The following C1QTNF12 variants were observed in gnomAD, a reference collection of about 807,000 sequenced individuals.
The protein encoded by C1QTNF12 is C1q and TNF related 12, also known as adipolin.
Under a neutral mutation model 34.3 loss-of-function variants are expected in C1QTNF12, and 39 were observed. That is an observed-to-expected ratio of 1.14 (90% confidence interval 0.88 to 1.49). The LOEUF (loss-of-function observed/expected upper bound fraction) is 1.49. Ranked by LOEUF, C1QTNF12 falls within the 40% of genes most tolerant of loss-of-function variation. The probability of loss-of-function intolerance (pLI) is 0.00; values close to 1 mark genes in which losing one functional copy is unlikely to be tolerated. For missense variants in C1QTNF12, 497 were observed against 424.7 expected (o/e 1.17, Z -1.50); for synonymous variants, 220 against 196.9 (o/e 1.12, Z -0.98).
In C1QTNF12 at chr1:1,246,390, G is replaced by C; in HGVS notation, c.177+124C>G. On this transcript the variant is annotated intron_variant, in intron 1 of 7. Transcript: ENST00000330388. The surrounding 1 kb of genome is among the most constrained non-coding windows in gnomAD (Gnocchi z 4.5). Reference sequence around the variant, plus strand: ...AGATTCTCAAGGCGGGACCGTGGCCGAGGCCTCGAAAAGGGCGACCCGGAG... The same window carrying C: ...AGATTCTCAAGGCGGGACCGTGGCCCAGGCCTCGAAAAGGGCGACCCGGAG... The C allele has an allele frequency of 2.5e-6, 2 of 791,950 alleles. No homozygotes were observed. Among genetic ancestry groups the C allele is most frequent in the Non-Finnish European group, 3.4e-6 (2 of 588,020 alleles). The allele number at this position is 791,950 out of a possible 1,614,324, so 49.1% of individuals were successfully genotyped here. A position where few individuals can be genotyped will look rare whatever the true frequency, so the allele number is the denominator to read the frequency against.
chr1:1,243,666 G>A (rs931816990), intron 4 of C1QTNF12, 114 bp from the exon 5 acceptor site: 7 of 925,518 alleles, frequency 7.6e-6, no homozygotes, highest in Admixed American at 2.2e-5. Flanking sequence ...GCTCTCCCGG[G>A]ACCCTCACGC....
intron 1 of C1QTNF12, among the ~76,000 whole-genome samples, chr1:1,245,311 G>T (rs1353366356): frequency 2.6e-5 from 2 of 76,692 alleles, no homozygotes. Context: ...TCCGCTATCC[G>T]CTTGCTGTCC....
At chr1:1,243,281 G>A in intron 5 of C1QTNF12, 129 bp from the exon 6 acceptor site, 3 of 995,028 alleles carry the variant, frequency 3.0e-6, no homozygotes, top group South Asian at 3.2e-5. Context: ...GGGCGCCTGA[G>A]GCCAGGCGTG....
At chr1:1,244,541 C>A in intron 1 of C1QTNF12, 44 bp from the exon 2 acceptor site, 1 of 1,442,830 alleles carries the variant, frequency 6.9e-7, no homozygotes, top group Admixed American at 1.7e-5. Context: ...CTGCACCCTG[C>A]AGAGAGCTGG....
At chr1:1,245,853 C>G (rs1348701920) in intron 1 of C1QTNF12, among the ~76,000 whole-genome samples, 2 of 152,180 alleles carry the variant, frequency 1.3e-5, no homozygotes, top group Non-Finnish European at 2.9e-5. Context: ...GCTCTGGCAA[C>G]TGCGGCTCCC....
chr1:1,244,058 G>C lies in C1QTNF12; in HGVS notation c.427C>G (p.Gln143Glu). ...CCCACCAGCCGCAGGCCCGCCCCCT[G>C]GGGCAGCAGCGGGTCCAGAAGCCCT... ...FSGLLDPLLP[Q>E]GAGLRLVGEA... Residue 143 changes from glutamine to glutamate, a missense_variant, in exon 4 of 8, where the codon CAG (glutamine) becomes GAG (glutamate). Physicochemically the swap from Gln to Glu is conservative, Grantham distance 29. Transcript: ENST00000330388. The C allele has an allele frequency of 6.3e-7, 1 of 1,598,990 alleles. No individual in the cohort carries two copies. The highest frequency in any genetic ancestry group is 8.5e-7 in the Non-Finnish European group (1 of 1,173,434).
At position 1,246,271 on chromosome 1, in the gene C1QTNF12, C is replaced by G. The variant is rs1038809343; in HGVS notation, c.177+243G>C. 2.0e-5 allele frequency among the ~76,000 whole-genome samples: 3 copies of G among 152,038 alleles called. No individual in the cohort carries two copies. Among genetic ancestry groups the G allele is most frequent in the African/African-American group, 7.2e-5 (3 of 41,404 alleles). On this transcript the variant is annotated intron_variant, in intron 1 of 7. Transcript: ENST00000330388. This position sits in a 1 kb window ranked among gnomAD's most constrained non-coding sequence, Gnocchi z 4.5. ...CTGCGGCCCCCAACCGCGGGAAGCC[C>G]CCTTCACCCACCCACCCCAGGCCAG...
chr1:1,244,166 C>G, intron 3 of C1QTNF12, 25 bp downstream of exon 3: 2 of 1,565,150 alleles, frequency 1.3e-6, no homozygotes, highest in Non-Finnish European at 1.7e-6. Flanking sequence ...CACGTCTGGT[C>G]TCTGGGCAGT....
In C1QTNF12 at chr1:1,242,637, A is replaced by G; in HGVS notation, c.820T>C (p.Tyr274His). Residue 274 changes from tyrosine to histidine, a missense_variant, in exon 8 of 8, where the codon TAC (tyrosine) becomes CAC (histidine). By Grantham distance (83) the Tyr-to-His change is moderately conservative. Transcript: ENST00000330388. ...QGLLQLQAGQYASVFVDNGSG... is the reference protein window; with the variant it reads ...QGLLQLQAGQHASVFVDNGSG... ...CCATTGTCCACAAACACAGAAGCGT[A>G]CTGTCCAGCCTGTAAGAAGCACGGG... 6.3e-7 allele frequency: 1 copy of G among 1,592,078 alleles called. No individual in the cohort carries two copies. Among genetic ancestry groups the G allele is most frequent in the Non-Finnish European group, 8.5e-7 (1 of 1,169,808 alleles).
intron 5 of C1QTNF12, 93 bp from the exon 6 acceptor site, chr1:1,243,245 A>C (rs924104708): frequency 9.0e-7 from 1 of 1,108,074 alleles, no homozygotes; most frequent in Non-Finnish European, 1.3e-6. Flanking sequence ...GGACAGGCCC[A>C]GGAGTGGCTG....
In C1QTNF12 at chr1:1,244,056, C is replaced by T; in HGVS notation, c.429G>A (p.Gln143=). Residue 143 remains glutamine, a synonymous_variant, in exon 4 of 8, where the codon CAG becomes CAA. Coordinates refer to ENST00000330388, the MANE Select transcript of C1QTNF12 (RefSeq NM_001014980.3). The part of the protein sequence containing the change: ...FSGLLDPLLP[Q]GAGLRLVGEA... The stretch of plus-strand genomic sequence containing the variant: ...CGCCCACCAGCCGCAGGCCCGCCCC[C>T]TGGGGCAGCAGCGGGTCCAGAAGCC... 1.3e-6 allele frequency: 2 copies of T among 1,599,734 alleles called. No individual in the cohort carries two copies. Among genetic ancestry groups the T allele is most frequent in the Non-Finnish European group, 1.7e-6 (2 of 1,173,800 alleles).
In C1QTNF12 at chr1:1,243,466, C is replaced by T. The variant is rs940787800; in HGVS notation, c.618G>A (p.Gln206=). The T allele has an allele frequency of 1.9e-6, 3 of 1,558,244 alleles. No individual in the cohort carries two copies. The highest frequency in any genetic ancestry group is 1.4e-5 in the African/African-American group (1 of 73,310). ...RFTAPVSGIF[Q]FSASLHVDHS... Reference sequence around the variant, plus strand: ...CACCCACGTGCAGACTGGCAGAGAACTGGAAGATGCCGGACACGGGGGCCG... The same window carrying T: ...CACCCACGTGCAGACTGGCAGAGAATTGGAAGATGCCGGACACGGGGGCCG... Residue 206 remains glutamine (Q), a synonymous_variant, in exon 5 of 8, where the codon CAG becomes CAA. Coordinates refer to ENST00000330388, the MANE Select transcript of C1QTNF12 (RefSeq NM_001014980.3).
At position 1,245,444 on chromosome 1, in the gene C1QTNF12, C is replaced by G. The variant is rs894938983; in HGVS notation, c.178-947G>C. 4.0e-5 allele frequency among the ~76,000 whole-genome samples: 6 copies of G among 150,630 alleles called. No homozygotes were observed. The East Asian group carries it at 1.2e-3, about 30-fold the overall frequency. On this transcript the variant is annotated intron_variant, in intron 1 of 7. Coordinates refer to ENST00000330388, the MANE Select transcript of C1QTNF12 (RefSeq NM_001014980.3). The stretch of plus-strand genomic sequence containing the variant: ...CAGGCTGCAGGAGAACCGCCCAACC[C>G]TGGAAGCCTGGAGGGCCAGCCTGAG...
At position 1,243,455 on chromosome 1, in the gene C1QTNF12, C is replaced by T; in HGVS notation, c.629G>A (p.Ser210Asn). The change falls in exon 5 of 8, where the codon AGT (serine) becomes AAT (asparagine). Residue 210 changes from serine to asparagine, a missense_variant. Coordinates refer to ENST00000330388, the MANE Select transcript of C1QTNF12 (RefSeq NM_001014980.3). ...CCCATCCGGCTCACCCACGTGCAGA[C>T]TGGCAGAGAACTGGAAGATGCCGGA... ...PVSGIFQFSASLHVDHSELQG... is the reference protein window; with the variant it reads ...PVSGIFQFSANLHVDHSELQG... 6.4e-7 allele frequency: 1 copy of T among 1,556,048 alleles called. No homozygotes were observed. The highest frequency in any genetic ancestry group is 8.7e-7 in the Non-Finnish European group (1 of 1,149,918).
chr1:1,242,760 T>C (rs550467462), intron 7 of C1QTNF12, 75 bp downstream of exon 7: 2 of 1,575,710 alleles, frequency 1.3e-6, no homozygotes, highest in African/African-American at 2.7e-5. Flanking sequence ...GTCTGCGCCC[T>C]GAGTGCACCG....
At position 1,242,769 on chromosome 1, in the gene C1QTNF12, C is replaced by T. The variant is rs541437611; in HGVS notation, c.810+66G>A. On this transcript the variant is annotated intron_variant, in intron 7 of 7. Transcript: ENST00000330388. ...CCAGAGGTCTGCGCCCTGAGTGCAC[C>T]GAGCTCACACCCGGCCCAGCCCGAG... 3.0e-4 allele frequency: 471 copies of T among 1,584,254 alleles called. 4 individuals carry two copies. In the South Asian group the frequency reaches 3.0e-3, roughly 10 times the overall value.
chr1:1,246,155 G>A lies in C1QTNF12; in HGVS notation c.177+359C>T, dbSNP rs916199356. Among the ~76,000 whole-genome samples, 2 of 152,202 alleles carry A rather than the reference G, an allele frequency of 1.3e-5. No homozygotes were observed. The highest frequency in any genetic ancestry group is 2.9e-5 in the Non-Finnish European group (2 of 67,976). ...CTGGTGAACCATCCAGCAAGCAGCCGGAACCACCCCACCCCCGCCCCCAAA... is the reference window on the plus strand; with the variant it reads ...CTGGTGAACCATCCAGCAAGCAGCCAGAACCACCCCACCCCCGCCCCCAAA... On this transcript the variant is annotated intron_variant, in intron 1 of 7. Transcript: ENST00000330388. The surrounding 1 kb of genome is among the most constrained non-coding windows in gnomAD (Gnocchi z 4.5).
Position 1,243,137 on chromosome 1 carries a change from T to A in C1QTNF12, c.656A>T (p.Gln219Leu), listed in dbSNP as rs763131917. 3 of 1,541,186 alleles carry A rather than the reference T, an allele frequency of 1.9e-6. No individual in the cohort carries two copies. The East Asian group carries it at 7.5e-5, about 39-fold the overall frequency. Residue 219 changes from glutamine to leucine, a missense_variant, in exon 6 of 8, where the codon CAG becomes CTG. By Grantham distance (113) the Gln-to-Leu change is moderately radical. Transcript: ENST00000330388. ...CCGGGCCCGCAGCCGGGCCTTGCCC[T>A]GCAGCTCACTGTGGTCTGCGGAGAG... ...ASLHVDHSEL[Q>L]GKARLRARDV... is the part of the protein sequence containing the mutation.
chr1:1,242,939 G>T, intron 6 of C1QTNF12, 26 bp from the exon 7 acceptor site: 5 of 1,607,550 alleles, frequency 3.1e-6, no homozygotes, highest in Non-Finnish European at 4.2e-6. Context: ...CAGGGCAAGA[G>T]GGAGGCGTTG....
Sources: allele counts gnomAD v4.1 joint callset (sites outside exome capture counted in the v4.1 genomes callset), GRCh38; gene constraint gnomAD v4.1.1; non-coding constraint Gnocchi (gnomAD v3.1); transcripts MANE v1.5; gene names NCBI Gene and HGNC (gene_info 2026-07-23, HGNC 2026-07-21).